Variants in MLIP observed in about 807,000 individuals in gnomAD.
MLIP encodes muscular LMNA-interacting protein.
In MLIP, 79 loss-of-function variants were observed where a neutral mutation model predicts 84.8. The ratio of observed to expected loss-of-function variants is 0.93; its 90% confidence interval spans 0.78 to 1.12. The LOEUF (loss-of-function observed/expected upper bound fraction) is 1.12, where lower values mean the gene tolerates loss of function less well. Ranked by LOEUF, MLIP falls within the 50% of genes most tolerant of loss-of-function variation. The probability of loss-of-function intolerance (pLI) is 0.00; values close to 1 mark genes in which losing one functional copy is unlikely to be tolerated. For synonymous variants in MLIP, 504 were observed against 463.0 expected (o/e 1.09, Z -1.14); for missense variants, 1,257 against 1,160.6 (o/e 1.08, Z -1.21).
At chr6:54,073,464 C>T (rs1766606027) in intron 1 of MLIP, among the ~76,000 whole-genome samples, 2 of 152,118 alleles carry the variant, frequency 1.3e-5, no homozygotes, top group South Asian at 4.1e-4. Context: ...TAGAGAATTG[C>T]TGTAATTTAC....
chr6:54,262,766 G>A (rs1050557605), intron 13 of MLIP, among the ~76,000 whole-genome samples: 33 of 152,124 alleles, frequency 2.2e-4, no homozygotes, highest in African/African-American at 7.2e-4. Flanking sequence ...TTACAATGAT[G>A]AGTTTTCTAA....
intron 12 of MLIP, among the ~76,000 whole-genome samples, chr6:54,251,808 ATT>A (rs1389738093): frequency 1.0e-5 from 1 of 96,222 alleles, no homozygotes; most frequent in Non-Finnish European, 1.8e-5. Flanking sequence ...AAATATATAT[ATT>A]ATAACAGATA....
chr6:54,159,716 G>A (rs769852459), intron 5 of MLIP, among the ~76,000 whole-genome samples: 6 of 152,022 alleles, frequency 3.9e-5, no homozygotes, highest in Non-Finnish European at 7.4e-5. Flanking sequence ...AAAAGAGAGT[G>A]CCAAAAGGAT....
In MLIP at chr6:54,251,441, C is replaced by CATATATATATATATATATAT. The variant is rs148476876; in HGVS notation, c.2923-5860_2923-5841dup. On this transcript the variant is annotated intron_variant, in intron 12 of 13. Transcript: ENST00000502396. ...TATCTCCAAAGTGAATGAAACAAGC[C>CATATATATATATATATATAT]ATATATATATATATATATATATATA... 3.8e-3 allele frequency among the ~76,000 whole-genome samples: 333 copies of CATATATATATATATATATAT among 88,232 alleles called. 3 individuals are homozygous for CATATATATATATATATATAT. The highest frequency in any genetic ancestry group is 0.012 in the African/African-American group (164 of 13,932). 57.9% of individuals were successfully genotyped at this position (88,232 alleles called of 152,430 possible). A position where few individuals can be genotyped will look rare whatever the true frequency, so the allele number is the denominator to read the frequency against.
intron 8 of MLIP, among the ~76,000 whole-genome samples, chr6:54,161,854 A>C (rs1415006681): frequency 6.6e-6 from 1 of 151,900 alleles, no homozygotes; most frequent in African/African-American, 2.4e-5. Context: ...TAAGCCTTTT[A>C]ATCTAAAACT....
chr6:54,029,773 G>A (rs534448080), intron 1 of MLIP, among the ~76,000 whole-genome samples: 19 of 152,028 alleles, frequency 1.2e-4, no homozygotes, highest in African/African-American at 4.3e-4. Flanking sequence ...CTTGTATAAC[G>A]GGTTATAATC....
intron 13 of MLIP, among the ~76,000 whole-genome samples, chr6:54,263,468 T>C (rs557076020): frequency 6.9e-4 from 105 of 152,188 alleles, no homozygotes; most frequent in African/African-American, 2.3e-3. Context: ...CATTTAATCA[T>C]ATTATGATAC....
At chr6:54,147,303 A>T (rs1440600810) in intron 4 of MLIP, among the ~76,000 whole-genome samples, 3 of 152,206 alleles carry the variant, frequency 2.0e-5, no homozygotes, top group Non-Finnish European at 4.4e-5. Flanking sequence ...CTGTCTAGTT[A>T]TAGGACTTCT....
intron 1 of MLIP, among the ~76,000 whole-genome samples, chr6:54,039,794 A>C (rs149608922): frequency 6.6e-6 from 1 of 152,060 alleles, no homozygotes; most frequent in Non-Finnish European, 1.5e-5. Flanking sequence ...ATTTCTTTGC[A>C]TGTTTTCTGT....
chr6:54,094,227 T>C (rs1222012682), intron 1 of MLIP, among the ~76,000 whole-genome samples: 1 of 152,060 alleles, frequency 6.6e-6, no homozygotes, highest in Non-Finnish European at 1.5e-5. Context: ...AGTTTTTCCT[T>C]TTCCCTGGTA....
chr6:54,180,717 A>T (rs780802398), intron 9 of MLIP, among the ~76,000 whole-genome samples: 16 of 152,116 alleles, frequency 1.1e-4, no homozygotes, highest in Non-Finnish European at 2.1e-4. Flanking sequence ...TGTTAAATTT[A>T]TCTAATGGAA....
chr6:54,234,344 G>A (rs781357456), intron 12 of MLIP, among the ~76,000 whole-genome samples: 19 of 151,994 alleles, frequency 1.3e-4, no homozygotes, highest in South Asian at 6.2e-4. Flanking sequence ...ACGAATATGC[G>A]TAAAAGTGCC....
intron 3 of MLIP, among the ~76,000 whole-genome samples, chr6:54,125,702 G>A (rs946040830): frequency 6.6e-6 from 1 of 152,186 alleles, no homozygotes; most frequent in South Asian, 2.1e-4. Context: ...TGGATGCAGA[G>A]CTCTAACTTC....
At chr6:54,227,312 T>A (rs1041423397) in intron 11 of MLIP, among the ~76,000 whole-genome samples, 4 of 151,982 alleles carry the variant, frequency 2.6e-5, no homozygotes, top group African/African-American at 7.3e-5. Flanking sequence ...AACAGACTTA[T>A]ACAGAGGACA....
chr6:54,094,247 A>G (rs965905242), intron 1 of MLIP, among the ~76,000 whole-genome samples: 27 of 150,614 alleles, frequency 1.8e-4, no homozygotes, highest in African/African-American at 6.1e-4. Context: ...ATCAAAATTC[A>G]TTTTCAAGGA....
chr6:54,063,655 C>A (rs1766099629), intron 1 of MLIP, among the ~76,000 whole-genome samples: 1 of 150,352 alleles, frequency 6.7e-6, no homozygotes, highest in African/African-American at 2.5e-5. Flanking sequence ...TCTAAAAAGT[C>A]TAAGCTTTTA....
chr6:54,052,478 G>A (rs1765431087), intron 1 of MLIP, among the ~76,000 whole-genome samples: 1 of 152,148 alleles, frequency 6.6e-6, no homozygotes, highest in African/African-American at 2.4e-5. Flanking sequence ...TAGAGAATTA[G>A]CATTTTTGTT....
At chr6:54,131,002 TGCCTGTTG>T (rs1771329085) in intron 3 of MLIP, among the ~76,000 whole-genome samples, 1 of 152,138 alleles carries the variant, frequency 6.6e-6, no homozygotes, top group African/African-American at 2.4e-5. Flanking sequence ...GCGATTCAAG[TGCCTGTTG>T]GGTTTAGGAA....
intron 1 of MLIP, among the ~76,000 whole-genome samples, chr6:54,093,508 C>G (rs1451747867): frequency 6.6e-6 from 1 of 152,072 alleles, no homozygotes; most frequent in African/African-American, 2.4e-5. Flanking sequence ...ATGGGAAATC[C>G]AGAGTCTGGC....
Sources: gnomAD v4.1 joint callset for allele counts (sites outside exome capture counted in the v4.1 genomes callset) on GRCh38, gnomAD v4.1.1 for gene constraint, MANE v1.5 for transcripts, NCBI Gene and HGNC (gene_info 2026-07-23, HGNC 2026-07-21) for gene names.